The following RASAL1 variants were observed in gnomAD, a reference collection of about 807,000 sequenced individuals.
RASAL1 encodes the protein RAS protein activator like 1, also known as rasGAP-activating-like protein 1.
In RASAL1, 72 loss-of-function variants were observed where a neutral mutation model predicts 96.6. The observed-to-expected ratio is 0.75, with a 90% CI of 0.62 to 0.91. The LOEUF (loss-of-function observed/expected upper bound fraction) is 0.91. RASAL1 is among the 40% of genes least tolerant of loss of function. RASAL1 has a pLI of 0.00. For synonymous variants in RASAL1, 405 were observed against 430.4 expected (o/e 0.94, Z 0.73); for missense variants, 1,016 against 1,072.5 (o/e 0.95, Z 0.74).
intron 4 of RASAL1, among the ~76,000 whole-genome samples, chr12:113,126,089 A>T (rs1951470388): frequency 6.6e-6 from 1 of 152,098 alleles, no homozygotes; most frequent in African/African-American, 2.4e-5. Context: ...GTTCGAGACC[A>T]GCCCGGCCAA....
Position 113,129,208 on chromosome 12 carries a change from C to A in RASAL1, c.123-1030G>T, listed in dbSNP as rs778855042. Among the ~76,000 whole-genome samples the A allele has an allele frequency of 6.6e-6, 1 of 152,172 alleles. No individual in the cohort carries two copies. The highest frequency in any genetic ancestry group is 1.5e-5 in the Non-Finnish European group (1 of 68,030). On this transcript the variant is annotated intron_variant, in intron 2 of 20. Coordinates refer to ENST00000548055, the MANE Select transcript of RASAL1 (RefSeq NM_001301202.2). This position sits in a 1 kb window ranked among gnomAD's most constrained non-coding sequence, Gnocchi z 5.0. Reference sequence around the variant, plus strand: ...GGGATTGGGGTTAGCTCAATCGCCCCTGGTTGGGTCGTGGGGGTAGGGTCG... The same window carrying A: ...GGGATTGGGGTTAGCTCAATCGCCCATGGTTGGGTCGTGGGGGTAGGGTCG...
chr12:113,134,648 A>G (rs1402941740), intron 1 of RASAL1, among the ~76,000 whole-genome samples: 3 of 152,204 alleles, frequency 2.0e-5, no homozygotes, highest in Non-Finnish European at 4.4e-5. Context: ...GCCAAGCAGG[A>G]GGGGGAACCC....
chr12:113,109,549 G>C (rs191617932), intron 13 of RASAL1, among the ~76,000 whole-genome samples: 7 of 152,234 alleles, frequency 4.6e-5, no homozygotes, highest in Admixed American at 4.6e-4. Context: ...TCCATCCTGG[G>C]TGCATCTTGC....
chr12:113,117,251 C>T (rs1951123454), intron 7 of RASAL1, 90 bp from the exon 8 acceptor site: 3 of 965,830 alleles, frequency 3.1e-6, no homozygotes, highest in Non-Finnish European at 4.4e-6. Context: ...GAAGAACAGA[C>T]TGCCCACCCA....
chr12:113,101,432 A>C (rs1950438311), intron 19 of RASAL1, among the ~76,000 whole-genome samples: 1 of 152,062 alleles, frequency 6.6e-6, no homozygotes. Flanking sequence ...TAAATAAATA[A>C]ATTTTTTTAA....
chr12:113,114,712 G>A lies in RASAL1; in HGVS notation c.1181+88C>T, dbSNP rs974694871. On this transcript the variant is annotated intron_variant, in intron 12 of 20. Transcript: ENST00000548055. ...GAGCAGCTGTAGCCCCAGGGTGGGTGGCAGTCAGCATGAACCCAGCCCCCA... is the reference window on the plus strand; with the variant it reads ...GAGCAGCTGTAGCCCCAGGGTGGGTAGCAGTCAGCATGAACCCAGCCCCCA... 11 of 1,098,122 alleles carry A rather than the reference G, an allele frequency of 1.0e-5. No individual in the cohort carries two copies. In the African/African-American group the frequency reaches 1.7e-4, roughly 17 times the overall value. The allele number at this position is 1,098,122 out of a possible 1,614,324, so 68.0% of individuals were successfully genotyped here. A position where few individuals can be genotyped will look rare whatever the true frequency, so the allele number is the denominator to read the frequency against.
chr12:113,136,002 C>T (rs1951902844), upstream of RASAL1: 1 of 154,244 alleles, frequency 6.5e-6, no homozygotes, highest in South Asian at 2.0e-4. Context: ...GGTCTGTGCC[C>T]CCGCCTGTCC....
At chr12:113,106,217 CA>C (rs1377717896) in intron 15 of RASAL1, among the ~76,000 whole-genome samples, 2 of 152,122 alleles carry the variant, frequency 1.3e-5, no homozygotes, top group Non-Finnish European at 2.9e-5. Context: ...CTCAGGGAGC[CA>C]GGACACAGCC....
intron 18 of RASAL1, 111 bp from the exon 19 acceptor site, chr12:113,102,120 A>C: frequency 1.5e-6 from 2 of 1,327,614 alleles, no homozygotes; most frequent in Non-Finnish European, 2.1e-6. Context: ...CCCTCCTCAA[A>C]CCTACTACTT....
intron 5 of RASAL1, among the ~76,000 whole-genome samples, chr12:113,120,844 A>G (rs1207374422): frequency 6.6e-6 from 1 of 152,120 alleles, no homozygotes; most frequent in Admixed American, 6.5e-5. Context: ...GTGGGGTCCA[A>G]TCCCTCCCTC....
Position 113,115,649 on chromosome 12 carries a change from T to C in RASAL1, c.989A>G (p.Glu330Gly). The C allele has an allele frequency of 6.2e-7, 1 of 1,613,432 alleles. No homozygotes were observed. Among genetic ancestry groups the C allele is most frequent in the Non-Finnish European group, 8.5e-7 (1 of 1,179,988 alleles). ...GRFLDYLTRR[E>G]VARTMDPNTL... ...GGGCAACTCACTGGTCCGAGCCACC[T>C]CACGCCGGGTGAGATAGTCCAGAAA... is the stretch of plus-strand genomic sequence containing the variant. Residue 330 changes from glutamate to glycine, a missense_variant, in exon 10 of 21, where the codon GAG (glutamate) becomes GGG (glycine). Glu to Gly is a moderately conservative substitution (Grantham distance 98). Transcript: ENST00000548055. This position sits in a 1 kb window ranked among gnomAD's most constrained non-coding sequence, Gnocchi z 4.1.
intron 7 of RASAL1, among the ~76,000 whole-genome samples, chr12:113,117,840 C>T (rs189743270): frequency 6.6e-6 from 1 of 152,194 alleles, no homozygotes; most frequent in East Asian, 1.9e-4. Context: ...GCTTTTTCCA[C>T]TTAGTGTAAT....
chr12:113,103,619 AT>A, intron 18 of RASAL1: 1 of 317,480 alleles, frequency 3.1e-6, no homozygotes, highest in South Asian at 5.0e-5. Flanking sequence ...AAAAAAAAAA[AT>A]TATTGGGTTA....
intron 3 of RASAL1, 89 bp from the exon 4 acceptor site, chr12:113,127,962 G>C: frequency 6.4e-7 from 1 of 1,563,126 alleles, no homozygotes; most frequent in East Asian, 2.3e-5. Context: ...AGGTCTGGGT[G>C]GGAGGGCACA....
chr12:113,122,795 T>A (rs996021048), intron 4 of RASAL1, among the ~76,000 whole-genome samples: 2 of 152,256 alleles, frequency 1.3e-5, no homozygotes, highest in Admixed American at 6.5e-5. Flanking sequence ...ATTGATTTTT[T>A]AAAATTATTT....
intron 13 of RASAL1, among the ~76,000 whole-genome samples, chr12:113,110,037 C>A (rs181859181): frequency 6.6e-6 from 1 of 152,198 alleles, no homozygotes; most frequent in Non-Finnish European, 1.5e-5. Flanking sequence ...GCTCACCATA[C>A]GAGGTCTAGG....
In RASAL1 at chr12:113,119,102, A is replaced by C. The variant is rs749566187; in HGVS notation, c.642+26T>G. 7.0e-6 allele frequency: 11 copies of C among 1,563,382 alleles called. No individual in the cohort carries two copies. In the African/African-American group the frequency reaches 1.5e-4, roughly 21 times the overall value. ...CCTTGGAGGCACTGGGGAGCCATGG[A>C]GGGTATTGTAGGGAATGAGGCTCAC... On this transcript the variant is annotated intron_variant, in intron 7 of 20. Transcript: ENST00000548055.
At chr12:113,121,691 T>A in intron 4 of RASAL1, 53 bp from the exon 5 acceptor site, 2 of 1,572,098 alleles carry the variant, frequency 1.3e-6, no homozygotes, top group Non-Finnish European at 1.7e-6. Context: ...TACTGGGCAT[T>A]GTGTTAACTT....
rs111853407 is a variant in RASAL1, at chr12:113,112,649, C to G, written c.1182-371G>C. Among the ~76,000 whole-genome samples the G allele has an allele frequency of 3.5e-3, 537 of 152,212 alleles. 4 individuals carry two copies. The highest frequency in any genetic ancestry group is 0.012 in the African/African-American group (507 of 41,524). On this transcript the variant is annotated intron_variant, in intron 12 of 20. Transcript: ENST00000548055. ...TCCCTCGTTTATTCCATTCCCTGGT[C>G]CCATTCAATAACCTTTTCCCAACCA...
Sources: gnomAD v4.1 joint callset for allele counts (sites outside exome capture counted in the v4.1 genomes callset) on GRCh38, gnomAD v4.1.1 for gene constraint, Gnocchi (gnomAD v3.1) non-coding constraint, MANE v1.5 for transcripts, NCBI Gene and HGNC (gene_info 2026-07-23, HGNC 2026-07-21) for gene names.